USH2A: variants seen among roughly 807,000 people sequenced by gnomAD.
USH2A encodes usherin.
USH2A carries 443 observed loss-of-function variants against 538.9 expected under a neutral mutation model. The ratio of observed to expected loss-of-function variants is 0.82; its 90% CI spans 0.76 to 0.89. The LOEUF (loss-of-function observed/expected upper bound fraction) is 0.89, where lower values mean the gene tolerates loss of function less well. USH2A is among the 40% of genes least tolerant of loss of function. USH2A has a pLI of 0.00. For synonymous variants in USH2A, 2,413 were observed against 2,273.5 expected, an observed-to-expected ratio of 1.06 and a Z score of -1.75; for missense variants, 6,633 against 6,324.8, an observed-to-expected ratio of 1.05 and a Z score of -1.65.
chr1:215,818,838 A>G (rs1008143721), intron 47 of USH2A, among the ~76,000 whole-genome samples: 7 of 151,788 alleles, frequency 4.6e-5, no homozygotes, highest in African/African-American at 1.7e-4. Context: ...TTGCTTAATA[A>G]TCTCTATAAG....
At chr1:216,164,156 A>G (rs376587784) in intron 21 of USH2A, among the ~76,000 whole-genome samples, 2 of 152,104 alleles carry the variant, frequency 1.3e-5, no homozygotes, top group East Asian at 3.9e-4. Context: ...AACATCAGCT[A>G]GTGGAGTGAA....
chr1:215,830,706 T>C (rs1253091414), intron 47 of USH2A, among the ~76,000 whole-genome samples: 1 of 152,212 alleles, frequency 6.6e-6, no homozygotes, highest in Middle Eastern at 3.2e-3. Context: ...TTGCCTCACA[T>C]GCATAGCCTA....
chr1:216,333,411 T>G (rs1202292404), intron 4 of USH2A, among the ~76,000 whole-genome samples: 3 of 151,958 alleles, frequency 2.0e-5, no homozygotes, highest in African/African-American at 7.3e-5. Flanking sequence ...GATTATTCAG[T>G]GTGAGCAATA....
At chr1:216,071,196 G>A (rs2102547077) in intron 29 of USH2A, among the ~76,000 whole-genome samples, 1 of 152,152 alleles carries the variant, frequency 6.6e-6, no homozygotes, top group Non-Finnish European at 1.5e-5. Flanking sequence ...GGATCACTCT[G>A]GTTTTTCCAC....
intron 22 of USH2A, among the ~76,000 whole-genome samples, chr1:216,089,864 C>G (rs1190872245): frequency 6.6e-6 from 1 of 151,700 alleles, no homozygotes; most frequent in South Asian, 2.1e-4. Flanking sequence ...CCTGCCATCT[C>G]ACTACTTTCG....
In USH2A at chr1:216,321,909, G is replaced by C; in HGVS notation, c.1618C>G (p.Gln540Glu). Residue 540 changes from glutamine to glutamate, a missense_variant, in exon 9 of 72, where the codon CAG (glutamine) becomes GAG (glutamate). Coordinates refer to ENST00000307340, the MANE Select transcript of USH2A (RefSeq NM_206933.4). ...TGAAGTCCTTCAGTGAAGCTCTCCT[G>C]GGAGCAGAGGCATCTATATGGCTGG... The part of the protein sequence containing the change: ...TSQPYRCLCS[Q>E]ESFTEGLHCD... 6.2e-7 allele frequency: 1 copy of C among 1,613,804 alleles called. No homozygotes were observed. The highest frequency in any genetic ancestry group is 8.5e-7 in the Non-Finnish European group (1 of 1,179,854).
chr1:215,716,953 T>C (rs937851364), intron 61 of USH2A, among the ~76,000 whole-genome samples: 1 of 152,168 alleles, frequency 6.6e-6, no homozygotes, highest in African/African-American at 2.4e-5. Context: ...TCCCAAGTGG[T>C]ATGTTTTTGT....
intron 37 of USH2A, among the ~76,000 whole-genome samples, chr1:215,954,567 G>A (rs1667015486): frequency 8.6e-6 from 1 of 115,740 alleles, no homozygotes; most frequent in South Asian, 3.6e-4. Flanking sequence ...CCTGTTGTGG[G>A]GTGGGGGGAG....
At chr1:215,807,350 TA>T (rs1308686783) in intron 49 of USH2A, among the ~76,000 whole-genome samples, 1 of 152,166 alleles carries the variant, frequency 6.6e-6, no homozygotes, top group Non-Finnish European at 1.5e-5. Context: ...TCATGATTTA[TA>T]GCAGCAATAG....
intron 47 of USH2A, among the ~76,000 whole-genome samples, chr1:215,820,119 G>A (rs901273000): frequency 2.0e-5 from 3 of 151,466 alleles, no homozygotes; most frequent in African/African-American, 7.3e-5. Context: ...ATATTTGAAT[G>A]AATTTTTTTT....
intron 30 of USH2A, among the ~76,000 whole-genome samples, 174 bp from the exon 31 acceptor site, chr1:216,048,821 T>A (rs375709289): frequency 6.6e-6 from 1 of 152,216 alleles, no homozygotes. Context: ...TTCTGCTGAT[T>A]GTTGAATGGA....
intron 60 of USH2A, among the ~76,000 whole-genome samples, chr1:215,733,863 C>A (rs1368679275): frequency 6.6e-6 from 1 of 152,216 alleles, no homozygotes; most frequent in Non-Finnish European, 1.5e-5. Context: ...AGTGCAGACC[C>A]TGTGGCTGCT....
chr1:216,249,800 A>C (rs991610709), intron 12 of USH2A, among the ~76,000 whole-genome samples: 7 of 152,122 alleles, frequency 4.6e-5, no homozygotes, highest in Admixed American at 1.3e-4. Flanking sequence ...ATTTAGAGGT[A>C]TATCACAGAA....
At chr1:215,707,833 A>G (rs554442030) in intron 61 of USH2A, among the ~76,000 whole-genome samples, 4 of 152,330 alleles carry the variant, frequency 2.6e-5, no homozygotes, top group Admixed American at 1.3e-4. Context: ...GGAACCAAGC[A>G]CTGAAGGTGT....
In USH2A at chr1:215,836,498, A is replaced by T. The variant is rs1222526722; in HGVS notation, c.9371+1493T>A. On this transcript the variant is annotated intron_variant, in intron 47 of 71. Transcript: ENST00000307340. The stretch of plus-strand genomic sequence containing the variant: ...TATATATAATATATATTATATATAT[A>T]ATATATATTATATATATATAATATA... Among the ~76,000 whole-genome samples, 28 of 17,768 alleles carry T rather than the reference A, an allele frequency of 1.6e-3. 1 individual carries two copies. Among genetic ancestry groups the T allele is most frequent in the East Asian group, 6.9e-3 (1 of 144 alleles). The allele number at this position is 17,768 out of a possible 152,430, so 11.7% of individuals were successfully genotyped here.
At chr1:215,737,092 T>C (rs921889866) in intron 60 of USH2A, among the ~76,000 whole-genome samples, 8 of 151,878 alleles carry the variant, frequency 5.3e-5, no homozygotes, top group African/African-American at 1.7e-4. Context: ...AAATAATATA[T>C]GATACACATC....
intron 44 of USH2A, among the ~76,000 whole-genome samples, chr1:215,862,514 G>T (rs556329692): frequency 1.3e-5 from 2 of 152,220 alleles, no homozygotes; most frequent in South Asian, 4.1e-4. Flanking sequence ...GTTTACATAT[G>T]TAACAAACCT....
At chr1:215,991,408 G>C (rs749120782) in intron 35 of USH2A, among the ~76,000 whole-genome samples, 3 of 151,982 alleles carry the variant, frequency 2.0e-5, no homozygotes, top group Admixed American at 1.3e-4. Flanking sequence ...TCCCTCTCTA[G>C]ACAATCAACA....
At chr1:216,405,734 T>C (rs1331801583) in intron 3 of USH2A, among the ~76,000 whole-genome samples, 2 of 152,208 alleles carry the variant, frequency 1.3e-5, no homozygotes, top group Admixed American at 1.3e-4. Flanking sequence ...TCCACACGAA[T>C]GCTTTAACTG....
Sources: allele counts gnomAD v4.1 joint callset (sites outside exome capture counted in the v4.1 genomes callset), GRCh38; gene constraint gnomAD v4.1.1; transcripts MANE v1.5; gene names NCBI Gene and HGNC (gene_info 2026-07-23, HGNC 2026-07-21).